NF1: variants seen among roughly 807,000 people sequenced by gnomAD.
NF1 encodes neurofibromin 1.
Under a neutral mutation model 325.7 loss-of-function variants are expected in NF1, and 122 were observed. The ratio of observed to expected loss-of-function variants is 0.37; its 90% CI spans 0.32 to 0.44. The LOEUF is 0.44. Ranked by LOEUF, NF1 falls within the 20% of genes least tolerant of loss-of-function variation. NF1 has a pLI of 1.00. For missense variants in NF1, 2,140 were observed against 3,415.4 expected, an observed-to-expected ratio of 0.63 and a Z score of 9.31; for synonymous variants, 1,091 against 1,186.0, an observed-to-expected ratio of 0.92 and a Z score of 1.65.
intron 29 of NF1, among the ~76,000 whole-genome samples, chr17:31,247,696 G>A (rs2067420386): frequency 6.6e-6 from 1 of 152,114 alleles, no homozygotes; most frequent in Admixed American, 6.5e-5. Flanking sequence ...AATCTCTTAT[G>A]TGCAAGAATG....
chr17:31,109,968 G>T (rs1913261353), intron 1 of NF1, among the ~76,000 whole-genome samples: 1 of 152,112 alleles, frequency 6.6e-6, no homozygotes, highest in Non-Finnish European at 1.5e-5. Context: ...GGAGGGGAGA[G>T]GAGGAGCAAC....
chr17:31,295,742 T>G, intron 36 of NF1: 1 of 1,614,102 alleles, frequency 6.2e-7, no homozygotes, highest in Non-Finnish European at 8.5e-7. Flanking sequence ...GTTGTGCAGG[T>G]AAAGATGTGT....
At chr17:31,365,180 G>A (rs1431185958) in intron 57 of NF1, among the ~76,000 whole-genome samples, 1 of 151,052 alleles carries the variant, frequency 6.6e-6, no homozygotes, top group African/African-American at 2.4e-5. Context: ...AGCTACTTGG[G>A]AGGCTGGGGT....
rs786203669 is a variant in NF1 at position 31,358,509 on chromosome 17, C to A, written c.8000C>A (p.Thr2667Asn). Residue 2667 changes from threonine to asparagine, a missense_variant, in exon 55 of 58, where the codon ACC (threonine) becomes AAC (asparagine). By Grantham distance (65) the Thr-to-Asn change is moderately conservative (BLOSUM62 0). Around this residue, in one of 10 missense-constraint regions of NF1, gnomAD observed 522 missense variants for 749.0 expected, o/e 0.70. Transcript: ENST00000358273. ...VHNLLDSKINTLLSLCQDPNL... is the reference protein window; with the variant it reads ...VHNLLDSKINNLLSLCQDPNL... ...AATTTGTTGGACTCTAAGATCAACA[C>A]CCTGTTATCATTGTGCCAAGATCCA... 1 of 1,613,830 alleles carries A rather than the reference C, an allele frequency of 6.2e-7. No individual in the cohort carries two copies. The highest frequency in any genetic ancestry group is 1.1e-5 in the South Asian group (1 of 91,076).
intron 52 of NF1, 94 bp from the exon 53 acceptor site, chr17:31,356,866 A>G (rs2070282916): frequency 6.5e-7 from 1 of 1,543,014 alleles, no homozygotes; most frequent in Non-Finnish European, 8.9e-7. Context: ...GTATCTACTA[A>G]AGAAAGCTGT....
intron 29 of NF1, among the ~76,000 whole-genome samples, chr17:31,243,540 C>T (rs1485515449): frequency 2.0e-5 from 3 of 151,876 alleles, no homozygotes; most frequent in Non-Finnish European, 2.9e-5. Flanking sequence ...AAGTCCTTCC[C>T]GCTCTTCCGT....
chr17:31,304,629 T>G (rs2151509000), intron 36 of NF1: 1 of 1,614,186 alleles, frequency 6.2e-7, no homozygotes, highest in East Asian at 2.2e-5. Flanking sequence ...AAACAGCAGT[T>G]CCAACTGTTG....
rs1306612254 is a variant in NF1 at position 31,337,580 on chromosome 17, G to A, written c.6640G>A (p.Glu2214Lys). ...TVTEALLEIMEACMRDIPTCK... is the reference protein window; with the variant it reads ...TVTEALLEIMKACMRDIPTCK... ...CACAGAAGCTTTGTTGGAGATCATG[G>A]AGGTATAGAAGCCAAAATGATAAGA... The change falls in exon 43 of 58, where the codon GAG (glutamate) becomes AAG (lysine). Residue 2214 changes from glutamate to lysine, a missense_variant and splice_region_variant. By Grantham distance (56) the Glu-to-Lys change is moderately conservative (BLOSUM62 1). This residue lies in a region of NF1 where 522 missense variants were observed against 749.0 expected (regional missense o/e 0.70). Coordinates refer to ENST00000358273, the MANE Select transcript of NF1 (RefSeq NM_001042492.3). 1 of 1,613,626 alleles carries A rather than the reference G, an allele frequency of 6.2e-7. No individual in the cohort carries two copies. The highest frequency in any genetic ancestry group is 2.2e-5 in the East Asian group (1 of 44,886).
chr17:31,240,054 G>A (rs1303546962), intron 29 of NF1, among the ~76,000 whole-genome samples: 1 of 152,142 alleles, frequency 6.6e-6, no homozygotes, highest in Non-Finnish European at 1.5e-5. Flanking sequence ...GTCAGCCACC[G>A]TGCCCGGCCT....
chr17:31,163,464 G>A, intron 4 of NF1, 88 bp downstream of exon 4: 1 of 1,440,030 alleles, frequency 6.9e-7, no homozygotes, highest in Non-Finnish European at 9.6e-7. Flanking sequence ...AAAAGTTAAT[G>A]GAAATGAGGT....
intron 42 of NF1, 89 bp downstream of exon 42, chr17:31,337,003 T>A: frequency 7.2e-7 from 1 of 1,395,142 alleles, no homozygotes; most frequent in Non-Finnish European, 1.0e-6. Context: ...TTTATGTTTG[T>A]GCTCTAACAC....
intron 36 of NF1, chr17:31,320,464 A>G: frequency 6.3e-7 from 1 of 1,586,988 alleles, no homozygotes; most frequent in Non-Finnish European, 8.6e-7. Context: ...TTTGAACATC[A>G]AGGTTTTATA....
At position 31,169,985 on chromosome 17, in the gene NF1, C is replaced by T. The variant is rs397514641; in HGVS notation, c.574C>T (p.Arg192Ter). 5 of 1,602,610 alleles carry T rather than the reference C, an allele frequency of 3.1e-6. No individual in the cohort carries two copies. The highest frequency in any genetic ancestry group is 1.3e-5 in the African/African-American group (1 of 74,588). Reference sequence around the variant, plus strand: ...CAATGTGGATTGTGCAAAATTAAAACGACTCCTGAAGGGTAAGTTTAAATG... The same window carrying T: ...CAATGTGGATTGTGCAAAATTAAAATGACTCCTGAAGGGTAAGTTTAAATG... ...YINVDCAKLK[R>*]LLKETAFKFK... Residue 192 changes from arginine (R) to a stop codon, truncating the protein, a stop_gained, in exon 5 of 58, where the codon CGA (arginine) becomes TGA (stop). Transcript: ENST00000358273. LOFTEE classifies it high-confidence loss of function.
At chr17:31,159,121 G>A (rs769944115) in intron 3 of NF1, 28 bp downstream of exon 3, 25 of 1,466,736 alleles carry the variant, frequency 1.7e-5, no homozygotes, top group Non-Finnish European at 2.2e-5. Context: ...AAGTAGGCAG[G>A]CTTTGTGAAT....
Position 31,337,701 on chromosome 17 carries a change from CACTT to C in NF1, c.6643-117_6643-114del, listed in dbSNP as rs17882425. 4.4e-3 allele frequency: 6,134 copies of C among 1,393,656 alleles called. 248 individuals are homozygous for C. The Admixed American group carries it at 0.078, about 18-fold the overall frequency. 86.3% of individuals were successfully genotyped at this position (1,393,656 alleles called of 1,614,324 possible). A position where few individuals can be genotyped will look rare whatever the true frequency, so the allele number is the denominator to read the frequency against. On this transcript the variant is annotated intron_variant, in intron 43 of 57. Coordinates refer to ENST00000358273, the MANE Select transcript of NF1 (RefSeq NM_001042492.3). Reference sequence around the variant, plus strand: ...TTTGTACTTAATGCTTAAATAAAAACACTTGCATGGACTGTGTTATTGGTAACAG... The same window carrying C: ...TTTGTACTTAATGCTTAAATAAAAACGCATGGACTGTGTTATTGGTAACAG...
chr17:31,295,525 T>C (rs755507087), intron 36 of NF1: 1 of 1,614,162 alleles, frequency 6.2e-7, no homozygotes. Context: ...ATCCAGAAGG[T>C]GTGGGATACA....
At chr17:31,349,681 A>G (rs1387241996) in intron 49 of NF1, among the ~76,000 whole-genome samples, 1 of 152,202 alleles carries the variant, frequency 6.6e-6, no homozygotes, top group African/African-American at 2.4e-5. Flanking sequence ...TGCCTCTTCA[A>G]TATTCATTCC....
chr17:31,111,216 A>G (rs1002632772), intron 1 of NF1, among the ~76,000 whole-genome samples: 6 of 140,270 alleles, frequency 4.3e-5, no homozygotes, highest in South Asian at 4.4e-4. Flanking sequence ...AAAAGCACAG[A>G]AAAAAAAAAA....
intron 36 of NF1, among the ~76,000 whole-genome samples, chr17:31,288,123 A>G (rs2068274780): frequency 3.9e-5 from 6 of 152,038 alleles, no homozygotes; most frequent in Admixed American, 3.9e-4. Flanking sequence ...ATAGTTTTAA[A>G]AATACAAAAA....
Sources: allele counts gnomAD v4.1 joint callset (sites outside exome capture counted in the v4.1 genomes callset), GRCh38; gene constraint gnomAD v4.1.1; regional missense constraint gnomAD v4.1.1; transcripts MANE v1.5; gene names NCBI Gene and HGNC (gene_info 2026-07-23, HGNC 2026-07-21).